The following RAB37 variants were observed in gnomAD, a reference collection of about 807,000 sequenced individuals.
RAB37 encodes the protein ras-related protein Rab-37.
RAB37 carries 29 observed loss-of-function variants against 33.1 expected under a neutral mutation model. The ratio of observed to expected loss-of-function variants is 0.88; its 90% CI spans 0.65 to 1.20. The LOEUF (loss-of-function observed/expected upper bound fraction) is 1.20, where lower values mean the gene tolerates loss of function less well. Among genes scored for constraint, RAB37 ranks in the 50% most tolerant of loss-of-function variants. The pLI, the probability that RAB37 is intolerant of heterozygous loss-of-function variation, is 0.00. For synonymous variants in RAB37, 128 were observed against 119.5 expected (o/e 1.07, Z -0.47); for missense variants, 299 against 301.1 (o/e 0.99, Z 0.05).
chr17:74,712,680 C>T, intron 1 of RAB37: 1 of 790,308 alleles, frequency 1.3e-6, no homozygotes, highest in South Asian at 1.6e-5. Context: ...AACGGAAATG[C>T]TAGGTGAATG....
Position 74,746,937 on chromosome 17 carries a change from A to G in RAB37, c.*1526A>G, listed in dbSNP as rs141628838. 6.6e-6 allele frequency: 1 copy of G among 152,350 alleles called. No individual in the cohort carries two copies. Among genetic ancestry groups the G allele is most frequent in the Non-Finnish European group, 1.5e-5 (1 of 68,056 alleles). 9.4% of individuals were successfully genotyped at this position (152,350 alleles called of 1,614,324 possible). On this transcript the variant is annotated 3_prime_UTR_variant, in exon 9 of 9. Transcript: ENST00000392613. The surrounding 1 kb of genome is among the most constrained non-coding windows in gnomAD (Gnocchi z 5.2). ...GTATGTCTGGGGTAGAGAGAGGGGT[A>G]GCAAGTTCATGTGTCCTCCTTGGTC...
chr17:74,733,751 A>G (rs990035657), upstream of RAB37, among the ~76,000 whole-genome samples: 2 of 151,890 alleles, frequency 1.3e-5, no homozygotes, highest in Non-Finnish European at 2.9e-5. Context: ...CCTATTCTGC[A>G]CAGCCCCTGT....
At chr17:74,736,720 A>C (rs1002367782), upstream of RAB37, 16 of 1,535,736 alleles carry the variant, frequency 1.0e-5, no homozygotes, top group Non-Finnish European at 1.4e-5. Context: ...CGCAGCGTAC[A>C]TGTGCTGCAA....
chr17:74,731,202 T>G (rs569700346), intron 2 of RAB37, among the ~76,000 whole-genome samples: 1 of 152,334 alleles, frequency 6.6e-6, no homozygotes, highest in South Asian at 2.1e-4. Context: ...AGACACTTGT[T>G]TACCCATCTG....
At chr17:74,696,297 T>G in intron 1 of RAB37, 2 of 1,462,226 alleles carry the variant, frequency 1.4e-6, no homozygotes, top group East Asian at 2.4e-5. Flanking sequence ...GGAAGAGAAA[T>G]ATGGAAGAAA....
In RAB37 at chr17:74,676,728, G is replaced by C. The variant is rs2031841385; in HGVS notation, c.72+5070G>C. Among the ~76,000 whole-genome samples the C allele has an allele frequency of 6.6e-6, 1 of 152,154 alleles. No individual in the cohort carries two copies. The highest frequency in any genetic ancestry group is 2.1e-4 in the South Asian group (1 of 4,828). ...TGGCCTAGAAGGCATGCACACAAAT[G>C]GCTATACTTTTATATAATTCCAGAA... is the stretch of plus-strand genomic sequence containing the variant. On this transcript the variant is annotated intron_variant, in intron 1 of 7. Coordinates refer to the RAB37 transcript ENST00000340415. This position sits in a 1 kb window ranked among gnomAD's most constrained non-coding sequence, Gnocchi z 4.1.
At chr17:74,725,095 A>G (rs2034289743) in intron 1 of RAB37, among the ~76,000 whole-genome samples, 1 of 152,220 alleles carries the variant, frequency 6.6e-6, no homozygotes, top group African/African-American at 2.4e-5. Flanking sequence ...CCTGAACAAA[A>G]TACCTTCTTA....
At chr17:74,675,324 A>AGGCAGGAGG (rs1182666985) in intron 1 of RAB37, among the ~76,000 whole-genome samples, 2 of 152,022 alleles carry the variant, frequency 1.3e-5, no homozygotes, top group East Asian at 3.9e-4. Context: ...AGTCCCAGCT[A>AGGCAGGAGG]CTCAGGAGGC....
At chr17:74,704,367 G>A (rs1013946548) in intron 1 of RAB37, 16 of 808,218 alleles carry the variant, frequency 2.0e-5, no homozygotes, top group African/African-American at 1.0e-4. Flanking sequence ...TATGAGACTC[G>A]GGACTCAAGT....
chr17:74,686,490 G>A (rs187420880), intron 1 of RAB37, among the ~76,000 whole-genome samples: 215 of 151,938 alleles, frequency 1.4e-3, no homozygotes, highest in African/African-American at 4.8e-3. Flanking sequence ...TCCTGGGTTC[G>A]AGTGATTCTC....
intron 1 of RAB37, among the ~76,000 whole-genome samples, chr17:74,724,544 G>T (rs2034282791): frequency 6.6e-6 from 1 of 152,228 alleles, no homozygotes; most frequent in African/African-American, 2.4e-5. Flanking sequence ...GGCTTTGTGT[G>T]AGCAACGTGG....
intron 1 of RAB37, among the ~76,000 whole-genome samples, chr17:74,717,228 C>T (rs2034176536): frequency 6.6e-6 from 1 of 152,172 alleles, no homozygotes; most frequent in Admixed American, 6.5e-5. Context: ...GTAACTGATA[C>T]CACCAGCCTT....
intron 1 of RAB37, among the ~76,000 whole-genome samples, chr17:74,719,225 A>G (rs995712304): frequency 4.6e-5 from 7 of 152,178 alleles, no homozygotes; most frequent in Non-Finnish European, 1.0e-4. Flanking sequence ...AGATGGGTGG[A>G]TTACTTGAGC....
At chr17:74,717,821 A>AC (rs1023068140) in intron 1 of RAB37, among the ~76,000 whole-genome samples, 1 of 150,790 alleles carries the variant, frequency 6.6e-6, no homozygotes, top group Non-Finnish European at 1.5e-5. Flanking sequence ...AAAAAAAAAA[A>AC]AAAAAACAGA....
chr17:74,695,059 C>T, intron 1 of RAB37: 7 of 1,595,556 alleles, frequency 4.4e-6, no homozygotes, highest in Non-Finnish European at 6.0e-6. Context: ...GGAGTGTGCT[C>T]ACAGCCTGGG....
chr17:74,717,050 A>C (rs1164694167), intron 1 of RAB37, among the ~76,000 whole-genome samples: 2 of 152,126 alleles, frequency 1.3e-5, no homozygotes, highest in Admixed American at 1.3e-4. Flanking sequence ...CAGGAGAATC[A>C]CTTGAACCTG....
intron 1 of RAB37, chr17:74,695,921 C>A: frequency 6.4e-7 from 1 of 1,567,990 alleles, no homozygotes; most frequent in South Asian, 1.2e-5. Context: ...GGTTCCTTTT[C>A]CACGGTGGGA....
At chr17:74,697,036 G>A (rs1057124740) in intron 1 of RAB37, among the ~76,000 whole-genome samples, 1 of 152,126 alleles carries the variant, frequency 6.6e-6, no homozygotes, top group Non-Finnish European at 1.5e-5. Flanking sequence ...CCACCTCCTG[G>A]GTTCAAGCGA....
chr17:74,726,930 C>CATTT (rs2034314111), intron 1 of RAB37, among the ~76,000 whole-genome samples: 2 of 152,238 alleles, frequency 1.3e-5, no homozygotes, highest in South Asian at 4.1e-4. Flanking sequence ...TACACTAAGG[C>CATTT]ATTTATCCAC....
Sources: allele counts gnomAD v4.1 joint callset (sites outside exome capture counted in the v4.1 genomes callset), GRCh38; gene constraint gnomAD v4.1.1; non-coding constraint Gnocchi (gnomAD v3.1); transcripts MANE v1.5; gene names NCBI Gene and HGNC (gene_info 2026-07-23, HGNC 2026-07-21).